The following SP100 variants were observed in gnomAD, a reference collection of about 807,000 sequenced individuals.
The protein encoded by SP100 is SP100 nuclear body protein.
In SP100, 84 loss-of-function variants were observed where a neutral mutation model predicts 130.0. That is an observed-to-expected ratio of 0.65 (90% CI 0.54 to 0.77). SP100 has a LOEUF of 0.77. Ranked by LOEUF, SP100 falls within the 30% of genes least tolerant of loss-of-function variation. The pLI is 0.00. For synonymous variants in SP100, 331 were observed against 351.7 expected (o/e 0.94, Z 0.66); for missense variants, 978 against 1,052.2 (o/e 0.93, Z 0.97).
intron 2 of SP100, 128 bp downstream of exon 2, chr2:230,417,793 A>G: frequency 7.2e-7 from 1 of 1,387,094 alleles, no homozygotes; most frequent in Non-Finnish European, 9.5e-7. Context: ...GTTTTTTGCC[A>G]ATATGATTCC....
intron 1 of SP100, chr2:230,417,028 A>T (rs1211790815): frequency 3.0e-6 from 1 of 335,190 alleles, no homozygotes; most frequent in African/African-American, 2.2e-5. Flanking sequence ...AAATTTTTTA[A>T]TACAAAAGAA....
chr2:230,506,491 C>A, intron 22 of SP100, 46 bp downstream of exon 22: 1 of 1,597,258 alleles, frequency 6.3e-7, no homozygotes, highest in Non-Finnish European at 8.6e-7. Flanking sequence ...AGCTGTCATG[C>A]TTCACTAACA....
In SP100 at chr2:230,446,852, A is replaced by C; in HGVS notation, c.473A>C (p.Glu158Ala). ...IHDKLPLQES[E>A]EEEREERSGL... ...GACAAATTGCCTCTCCAAGAAAGTG[A>C]AGAAGAAGAGAGGGAGGAGAGGTCT... Residue 158 changes from glutamate (E) to alanine (A), a missense_variant, in exon 5 of 29, where the codon GAA becomes GCA. Coordinates refer to ENST00000340126, the MANE Select transcript of SP100 (RefSeq NM_001080391.2). The C allele has an allele frequency of 6.2e-7, 1 of 1,611,620 alleles. No homozygotes were observed. Among genetic ancestry groups the C allele is most frequent in the Non-Finnish European group, 8.5e-7 (1 of 1,178,030 alleles).
intron 17 of SP100, among the ~76,000 whole-genome samples, chr2:230,489,433 T>G (rs1459919830): frequency 6.6e-6 from 1 of 152,152 alleles, no homozygotes; most frequent in Admixed American, 6.5e-5. Context: ...TTAGTCTATC[T>G]AGTGGTCTAT....
intron 2 of SP100, among the ~76,000 whole-genome samples, chr2:230,426,836 C>T (rs974763390): frequency 6.6e-6 from 1 of 152,182 alleles, no homozygotes; most frequent in African/African-American, 2.4e-5. Flanking sequence ...TGATTATTGA[C>T]AGTGGAGTAT....
chr2:230,500,649 G>A (rs1158154874), intron 19 of SP100, among the ~76,000 whole-genome samples: 2 of 152,176 alleles, frequency 1.3e-5, no homozygotes, highest in South Asian at 2.1e-4. Flanking sequence ...ATGGAACTGT[G>A]GGGAGAAGGG....
In SP100 at chr2:230,486,141, C is replaced by T. The variant is rs578024055; in HGVS notation, c.1601-8275C>T. ...GGCCTCAGGAAACTTACAATTACAG[C>T]GGAAGGTGAAGGGGAAGCAAGCACA... On this transcript the variant is annotated intron_variant, in intron 17 of 28. Transcript: ENST00000340126. 1.1e-4 allele frequency among the ~76,000 whole-genome samples: 16 copies of T among 152,262 alleles called. No homozygotes were observed. In the South Asian group the frequency reaches 2.1e-3, roughly 20 times the overall value.
At chr2:230,478,686 A>C (rs2065684818) in intron 17 of SP100, among the ~76,000 whole-genome samples, 1 of 152,168 alleles carries the variant, frequency 6.6e-6, no homozygotes, top group South Asian at 2.1e-4. Context: ...GAAGACTTAC[A>C]TTTTTAAAAT....
chr2:230,420,684 AT>A (rs1169290220), intron 2 of SP100, among the ~76,000 whole-genome samples: 1 of 152,162 alleles, frequency 6.6e-6, no homozygotes, highest in Non-Finnish European at 1.5e-5. Flanking sequence ...TCCACAGTAA[AT>A]TATATTGAAA....
At chr2:230,428,605 G>A (rs368770790) in intron 2 of SP100, among the ~76,000 whole-genome samples, 17 of 152,154 alleles carry the variant, frequency 1.1e-4, no homozygotes, top group East Asian at 9.6e-4. Context: ...ACCACACCCA[G>A]CTATTTTTTT....
intron 21 of SP100, among the ~76,000 whole-genome samples, chr2:230,505,046 A>C (rs527729964): frequency 8.1e-4 from 123 of 152,328 alleles, no homozygotes; most frequent in Non-Finnish European, 1.6e-3. Context: ...AGTTTAGCCC[A>C]CAGTGAGTTC....
At chr2:230,505,909 G>A (rs1425567879) in intron 21 of SP100, among the ~76,000 whole-genome samples, 2 of 152,132 alleles carry the variant, frequency 1.3e-5, no homozygotes, top group Admixed American at 6.5e-5. Context: ...ATGGTAGAGG[G>A]CTTTATGCCT....
chr2:230,456,959 T>C (rs1474715716), intron 8 of SP100, among the ~76,000 whole-genome samples: 1 of 152,270 alleles, frequency 6.6e-6, no homozygotes, highest in Non-Finnish European at 1.5e-5. Flanking sequence ...CTTTTGGTCA[T>C]GTTGTGTCTC....
chr2:230,470,234 C>G (rs1264437167), intron 15 of SP100, 136 bp downstream of exon 15: 1 of 1,334,882 alleles, frequency 7.5e-7, no homozygotes, highest in African/African-American at 1.5e-5. Context: ...CTCCTTTTTG[C>G]ATTTTAGAAA....
At chr2:230,515,982 A>T in intron 24 of SP100, 2 of 1,006,576 alleles carry the variant, frequency 2.0e-6, no homozygotes, top group Non-Finnish European at 2.4e-6. Flanking sequence ...TATACAAAAC[A>T]TTTGTTGTTC....
chr2:230,490,315 C>A (rs566962769), intron 17 of SP100, among the ~76,000 whole-genome samples: 3 of 152,014 alleles, frequency 2.0e-5, no homozygotes, highest in Non-Finnish European at 4.4e-5. Flanking sequence ...AGGATTGCAA[C>A]CTCTGCTTTT....
At chr2:230,527,171 GAGAGAA>G (rs1691469354) in intron 24 of SP100, among the ~76,000 whole-genome samples, 1 of 152,182 alleles carries the variant, frequency 6.6e-6, no homozygotes, top group Admixed American at 6.5e-5. Context: ...AGGGCAGCCA[GAGAGAA>G]AGGTCGGGTT....
chr2:230,544,408 G>C lies in SP100; in HGVS notation c.*1462G>C, dbSNP rs944138258. On this transcript the variant is annotated 3_prime_UTR_variant, in exon 29 of 29. Coordinates refer to ENST00000340126, the MANE Select transcript of SP100 (RefSeq NM_001080391.2). ...CTATGCATCTGACAAAGGTCTAATA[G>C]CCAGCTTCTATAGGGAACTTAAACA... 2.8e-4 allele frequency among the ~76,000 whole-genome samples: 42 copies of C among 152,104 alleles called. No individual in the cohort carries two copies. Among genetic ancestry groups the C allele is most frequent in the African/African-American group, 9.2e-4 (38 of 41,408 alleles).
chr2:230,473,572 C>T, intron 16 of SP100, 132 bp downstream of exon 16: 1 of 555,538 alleles, frequency 1.8e-6, no homozygotes, highest in Non-Finnish European at 3.3e-6. Context: ...GGAAGTGGGC[C>T]CACAGGCCCC....
Sources: allele counts gnomAD v4.1 joint callset (sites outside exome capture counted in the v4.1 genomes callset), GRCh38; gene constraint gnomAD v4.1.1; transcripts MANE v1.5; gene names NCBI Gene and HGNC (gene_info 2026-07-23, HGNC 2026-07-21).